The following SUGCT variants were observed in gnomAD, a reference collection of about 807,000 sequenced individuals.
The protein encoded by SUGCT is succinyl-CoA:glutarate CoA-transferase.
SUGCT carries 41 observed loss-of-function variants against 55.0 expected under a neutral mutation model. The ratio of observed to expected loss-of-function variants is 0.74; its 90% CI spans 0.58 to 0.97. The LOEUF is 0.97. Among genes scored for constraint, SUGCT ranks in the 50% least tolerant of loss-of-function variants. The pLI is 0.00. For synonymous variants in SUGCT, 187 were observed against 200.4 expected (o/e 0.93, Z 0.56); for missense variants, 568 against 547.8 (o/e 1.04, Z -0.37).
At chr7:40,180,129 A>G (rs1785113264) in intron 1 of SUGCT, among the ~76,000 whole-genome samples, 2 of 146,494 alleles carry the variant, frequency 1.4e-5, no homozygotes, top group African/African-American at 5.0e-5. Flanking sequence ...TGTGATAGTA[A>G]TTTTTTTTTT....
At chr7:40,230,920 G>A (rs767322914) in intron 6 of SUGCT, among the ~76,000 whole-genome samples, 1 of 152,018 alleles carries the variant, frequency 6.6e-6, no homozygotes, top group Non-Finnish European at 1.5e-5. Context: ...TGTAAAAAGG[G>A]GATAATTCAT....
intron 9 of SUGCT, among the ~76,000 whole-genome samples, chr7:40,363,884 C>T (rs553376576): frequency 6.6e-6 from 1 of 152,088 alleles, no homozygotes; most frequent in Non-Finnish European, 1.5e-5. Context: ...CTTTCTGTCT[C>T]GTTGATCTGT....
chr7:40,955,502 G>A, the SUGCT span, among the ~76,000 whole-genome samples: 1 of 152,308 alleles, frequency 6.6e-6, no homozygotes, highest in East Asian at 1.9e-4. Context: ...AGACTTTGCT[G>A]AAGTTGCTTA....
At chr7:40,208,711 A>G (rs1435786929) in intron 6 of SUGCT, among the ~76,000 whole-genome samples, 8 of 151,756 alleles carry the variant, frequency 5.3e-5, no homozygotes, top group African/African-American at 1.9e-4. Flanking sequence ...TGTCCGGATA[A>G]TTTTTTTTAT....
chr7:40,138,924 T>A (rs1383056667), intron 1 of SUGCT, among the ~76,000 whole-genome samples: 6 of 152,074 alleles, frequency 3.9e-5, no homozygotes. Flanking sequence ...GGTTATGAAT[T>A]TAAAATGATT....
chr7:40,944,088 G>T, the SUGCT span, among the ~76,000 whole-genome samples: 37 of 152,232 alleles, frequency 2.4e-4, no homozygotes, highest in Admixed American at 5.2e-4. Flanking sequence ...CTTTTGAGAA[G>T]TGTCTGTTCA....
At chr7:40,760,891 C>A (rs893949561) in intron 13 of SUGCT, among the ~76,000 whole-genome samples, 4 of 152,156 alleles carry the variant, frequency 2.6e-5, no homozygotes, top group Non-Finnish European at 5.9e-5. Context: ...TAATAAATGT[C>A]CAGTGCTCAG....
At chr7:40,285,636 T>C (rs1354135893) in intron 8 of SUGCT, among the ~76,000 whole-genome samples, 3 of 152,142 alleles carry the variant, frequency 2.0e-5, no homozygotes, top group Admixed American at 1.3e-4. Context: ...GTCCCAACTA[T>C]TATGCCATCA....
chr7:41,021,865 A>C, the SUGCT span, among the ~76,000 whole-genome samples: 1 of 152,184 alleles, frequency 6.6e-6, no homozygotes, highest in South Asian at 2.1e-4. Flanking sequence ...GAGACTCAAT[A>C]AACACAGATA....
At chr7:40,460,778 C>T (rs185384341) in intron 11 of SUGCT, among the ~76,000 whole-genome samples, 138 of 152,286 alleles carry the variant, frequency 9.1e-4, no homozygotes, top group Non-Finnish European at 1.6e-3. Context: ...AATCTGCAAC[C>T]TTCTTCTTTC....
chr7:40,456,651 G>A (rs1485012981), intron 10 of SUGCT, among the ~76,000 whole-genome samples: 1 of 151,974 alleles, frequency 6.6e-6, no homozygotes. Context: ...CTGTGATGGG[G>A]GTAGGGTAAT....
the SUGCT span, among the ~76,000 whole-genome samples, chr7:40,879,664 A>G: frequency 6.6e-6 from 1 of 152,252 alleles, no homozygotes; most frequent in African/African-American, 2.4e-5. Context: ...TTTTTTCCAT[A>G]TTACATTTAC....
intron 13 of SUGCT, among the ~76,000 whole-genome samples, chr7:40,821,421 A>G (rs187518775): frequency 7.6e-4 from 115 of 152,180 alleles, no homozygotes; most frequent in African/African-American, 2.7e-3. Context: ...GTAGGCTATT[A>G]ATTATTGCCT....
chr7:40,708,026 A>T (rs550209923), intron 12 of SUGCT, among the ~76,000 whole-genome samples: 1 of 152,174 alleles, frequency 6.6e-6, no homozygotes, highest in African/African-American at 2.4e-5. Context: ...AATAATATTT[A>T]TATACTTTGA....
chr7:40,415,923 A>G (rs1362758522), intron 9 of SUGCT, among the ~76,000 whole-genome samples: 2 of 151,974 alleles, frequency 1.3e-5, no homozygotes, highest in Non-Finnish European at 2.9e-5. Context: ...TTGTTTTTAT[A>G]TTTTTTAATC....
chr7:40,335,339 A>G (rs578226171), intron 9 of SUGCT, among the ~76,000 whole-genome samples: 2 of 152,082 alleles, frequency 1.3e-5, no homozygotes, highest in Admixed American at 6.6e-5. Context: ...TACCTTGGGC[A>G]GTATGGCCAT....
chr7:41,020,592 A>G, the SUGCT span, among the ~76,000 whole-genome samples: 1 of 152,286 alleles, frequency 6.6e-6, no homozygotes, highest in Admixed American at 6.5e-5. Context: ...GTATTTTCAG[A>G]TTTTCTTATT....
intron 8 of SUGCT, among the ~76,000 whole-genome samples, chr7:40,316,064 T>G (rs116418515): frequency 1.3e-5 from 2 of 152,186 alleles, no homozygotes; most frequent in South Asian, 4.1e-4. Flanking sequence ...ACCCCTTTAA[T>G]AGATCGGCAG....
intron 13 of SUGCT, among the ~76,000 whole-genome samples, chr7:40,810,093 A>T (rs771625455): frequency 3.3e-5 from 5 of 151,820 alleles, no homozygotes; most frequent in Non-Finnish European, 5.9e-5. Flanking sequence ...TGAACATATG[A>T]GCACATCTGT....
Sources: allele counts gnomAD v4.1 joint callset (sites outside exome capture counted in the v4.1 genomes callset), GRCh38; gene constraint gnomAD v4.1.1; transcripts MANE v1.5; gene names NCBI Gene and HGNC (gene_info 2026-07-23, HGNC 2026-07-21).